Variants in CLSTN2 observed in about 807,000 individuals in gnomAD.
CLSTN2 encodes the protein calsyntenin-2.
In CLSTN2, 48 loss-of-function variants were observed where a neutral mutation model predicts 101.2. That is an observed-to-expected ratio of 0.47 (90% CI 0.38 to 0.60). The LOEUF (loss-of-function observed/expected upper bound fraction) is 0.60, where lower values mean the gene tolerates loss of function less well. Among genes scored for constraint, CLSTN2 ranks in the 20% least tolerant of loss-of-function variants. CLSTN2 has a pLI of 0.00. For missense variants in CLSTN2, 1,160 were observed against 1,238.2 expected (o/e 0.94, Z 0.95); for synonymous variants, 481 against 463.6 (o/e 1.04, Z -0.48).
At chr3:140,103,796 G>A (rs145190455) in intron 1 of CLSTN2, among the ~76,000 whole-genome samples, 62 of 152,346 alleles carry the variant, frequency 4.1e-4, no homozygotes, top group African/African-American at 1.5e-3. Context: ...TATGGACCTT[G>A]TCCCAGTTGG....
At chr3:140,392,895 C>A (rs1000566110) in intron 2 of CLSTN2, among the ~76,000 whole-genome samples, 1 of 151,732 alleles carries the variant, frequency 6.6e-6, no homozygotes, top group Non-Finnish European at 1.5e-5. Context: ...GGTCGAGGGG[C>A]CACAACTGGT....
chr3:140,367,461 C>T (rs1478896554), intron 2 of CLSTN2, among the ~76,000 whole-genome samples: 4 of 142,498 alleles, frequency 2.8e-5, no homozygotes, highest in African/African-American at 8.0e-5. Flanking sequence ...TGCAGTGAGC[C>T]GAGATTGTAC....
intron 1 of CLSTN2, among the ~76,000 whole-genome samples, chr3:139,993,646 T>C (rs2107829286): frequency 6.6e-6 from 1 of 152,314 alleles, no homozygotes; most frequent in South Asian, 2.1e-4. Flanking sequence ...ACCGTGCCTG[T>C]ACTTTCTGGA....
intron 2 of CLSTN2, among the ~76,000 whole-genome samples, chr3:140,385,287 G>A (rs890305037): frequency 1.3e-5 from 2 of 151,450 alleles, no homozygotes; most frequent in African/African-American, 2.4e-5. Flanking sequence ...TCCATGAGAC[G>A]GCTCACTCTC....
chr3:140,029,552 T>G (rs934602719), intron 1 of CLSTN2, among the ~76,000 whole-genome samples: 1 of 152,172 alleles, frequency 6.6e-6, no homozygotes, highest in Non-Finnish European at 1.5e-5. Flanking sequence ...AAAACCATAA[T>G]GTAGCCTTCA....
intron 1 of CLSTN2, among the ~76,000 whole-genome samples, chr3:139,949,258 C>T (rs183799251): frequency 8.0e-4 from 122 of 152,328 alleles, no homozygotes; most frequent in Non-Finnish European, 1.1e-3. Context: ...CTCGGTCTAA[C>T]GCTATGGATG....
chr3:140,179,620 CAAAAAAAAAA>C (rs57433306), intron 2 of CLSTN2, among the ~76,000 whole-genome samples: 1 of 37,458 alleles, frequency 2.7e-5, no homozygotes, highest in Non-Finnish European at 5.0e-5. Context: ...GACCCTATCT[CAAAAAAAAAA>C]AAAAAAAAAA....
chr3:140,085,444 A>G (rs2008665931), intron 1 of CLSTN2, among the ~76,000 whole-genome samples: 1 of 152,122 alleles, frequency 6.6e-6, no homozygotes, highest in African/African-American at 2.4e-5. Flanking sequence ...ACATTTCTCC[A>G]AGTCTTCTGC....
chr3:140,306,720 C>G (rs139864939), intron 2 of CLSTN2, among the ~76,000 whole-genome samples: 1 of 152,238 alleles, frequency 6.6e-6, no homozygotes, highest in East Asian at 1.9e-4. Flanking sequence ...TCTCTAGTTT[C>G]AGCACCCACA....
chr3:140,362,942 T>C (rs1447423284), intron 2 of CLSTN2, among the ~76,000 whole-genome samples: 2 of 152,168 alleles, frequency 1.3e-5, no homozygotes, highest in Admixed American at 6.5e-5. Flanking sequence ...AAACGTTAAA[T>C]ATAAACTTAT....
chr3:140,152,295 G>T (rs1232308455), intron 1 of CLSTN2, among the ~76,000 whole-genome samples: 1 of 151,740 alleles, frequency 6.6e-6, no homozygotes, highest in African/African-American at 2.4e-5. Context: ...ATGGACCAGT[G>T]ACTTTTTCTC....
At chr3:139,986,249 A>G (rs1478324907) in intron 1 of CLSTN2, among the ~76,000 whole-genome samples, 1 of 152,206 alleles carries the variant, frequency 6.6e-6, no homozygotes. Context: ...AAATCATTAC[A>G]TGCACATAAA....
At chr3:140,062,163 C>T (rs573082317) in intron 1 of CLSTN2, among the ~76,000 whole-genome samples, 5 of 152,198 alleles carry the variant, frequency 3.3e-5, no homozygotes, top group South Asian at 4.2e-4. Context: ...CGTAGAGCCC[C>T]GGGTACTCAG....
chr3:140,138,900 A>G (rs1027226688), intron 1 of CLSTN2, among the ~76,000 whole-genome samples: 2 of 152,224 alleles, frequency 1.3e-5, no homozygotes, highest in African/African-American at 4.8e-5. Context: ...TTCTTTCTCC[A>G]AGAAAGGCAG....
chr3:140,030,307 A>G (rs1226165189), intron 1 of CLSTN2, among the ~76,000 whole-genome samples: 1 of 152,108 alleles, frequency 6.6e-6, no homozygotes, highest in African/African-American at 2.4e-5. Context: ...AGCTTCCCCA[A>G]TGTTATACCT....
Position 140,390,179 on chromosome 3 carries a change from C to T in CLSTN2, c.233-13450C>T, listed in dbSNP as rs772215570. ...TTTGTGTTTACTTACTTTAGGTTTA[C>T]TTTGCTTTTCTCTTTCTAGCTTCTT... On this transcript the variant is annotated intron_variant, in intron 2 of 16. Coordinates refer to ENST00000458420, the MANE Select transcript of CLSTN2 (RefSeq NM_022131.3). Among the ~76,000 whole-genome samples the T allele has an allele frequency of 4.6e-5, 7 of 150,610 alleles. 1 individual carries two copies. Among genetic ancestry groups the T allele is most frequent in the Non-Finnish European group, 1.0e-4 (7 of 67,744 alleles).
chr3:140,198,836 C>T (rs2010682249), intron 2 of CLSTN2, among the ~76,000 whole-genome samples: 1 of 152,124 alleles, frequency 6.6e-6, no homozygotes, highest in Non-Finnish European at 1.5e-5. Context: ...TGGGTTGTGG[C>T]CTGCAATTCC....
At chr3:140,084,913 C>A (rs928761663) in intron 1 of CLSTN2, among the ~76,000 whole-genome samples, 1 of 152,198 alleles carries the variant, frequency 6.6e-6, no homozygotes, top group Non-Finnish European at 1.5e-5. Context: ...TTTGTGTGAA[C>A]TGAATGTGTG....
intron 1 of CLSTN2, among the ~76,000 whole-genome samples, chr3:140,159,775 A>G (rs2010015705): frequency 6.6e-6 from 1 of 152,198 alleles, no homozygotes; most frequent in African/African-American, 2.4e-5. Context: ...TTGCCTATCA[A>G]CAGTAGATTG....
Sources: allele counts gnomAD v4.1 joint callset (sites outside exome capture counted in the v4.1 genomes callset), GRCh38; gene constraint gnomAD v4.1.1; transcripts MANE v1.5; gene names NCBI Gene and HGNC (gene_info 2026-07-23, HGNC 2026-07-21).